The following MECOM variants were observed in gnomAD, a reference collection of about 807,000 sequenced individuals.
The protein encoded by MECOM is MDS1 and EVI1 complex locus, also known as histone-lysine N-methyltransferase MECOM.
Under a neutral mutation model 116.3 loss-of-function variants are expected in MECOM, and 13 were observed. The ratio of observed to expected loss-of-function variants is 0.11; its 90% CI spans 0.07 to 0.18. The LOEUF is 0.18. MECOM is among the 10% of genes least tolerant of loss of function. The pLI, the probability that MECOM is intolerant of heterozygous loss-of-function variation, is 1.00. For synonymous variants in MECOM, 528 were observed against 535.2 expected (o/e 0.99, Z 0.19); for missense variants, 1,299 against 1,509.0 (o/e 0.86, Z 2.31).
At chr3:169,322,426 G>T (rs1721017357) in intron 2 of MECOM, among the ~76,000 whole-genome samples, 1 of 152,132 alleles carries the variant, frequency 6.6e-6, no homozygotes, top group East Asian at 1.9e-4. Context: ...CATACTCATT[G>T]ACCTCCTTGG....
intron 1 of MECOM, among the ~76,000 whole-genome samples, chr3:169,461,295 G>A (rs1003121775): frequency 2.6e-5 from 4 of 152,134 alleles, no homozygotes; most frequent in African/African-American, 9.6e-5. Flanking sequence ...CTCATCATCT[G>A]GGACAGAAAC....
intron 12 of MECOM, among the ~76,000 whole-genome samples, chr3:169,098,571 G>T (rs1307792327): frequency 1.3e-5 from 2 of 152,102 alleles, no homozygotes; most frequent in Non-Finnish European, 2.9e-5. Context: ...TATCTGCCAG[G>T]TTTGTCCATT....
At chr3:169,596,084 A>G (rs1441267991) in intron 1 of MECOM, among the ~76,000 whole-genome samples, 1 of 152,220 alleles carries the variant, frequency 6.6e-6, no homozygotes, top group East Asian at 1.9e-4. Flanking sequence ...ATCCTAACTG[A>G]ATAATTGGAT....
chr3:169,215,319 A>G (rs1751287514), intron 2 of MECOM, among the ~76,000 whole-genome samples: 1 of 151,724 alleles, frequency 6.6e-6, no homozygotes, highest in South Asian at 2.1e-4. Flanking sequence ...GACCTTGGAC[A>G]AGAAATGGAA....
intron 1 of MECOM, among the ~76,000 whole-genome samples, chr3:169,394,699 G>T (rs1734754191): frequency 6.6e-6 from 1 of 152,146 alleles, no homozygotes; most frequent in African/African-American, 2.4e-5. Flanking sequence ...AGCCATAGGA[G>T]ATGCTTAACA....
chr3:169,135,531 T>A (rs142792995), intron 3 of MECOM, among the ~76,000 whole-genome samples: 178 of 152,052 alleles, frequency 1.2e-3, no homozygotes, highest in African/African-American at 4.1e-3. Flanking sequence ...TCCATTTTTT[T>A]AAAAAGTCAT....
intron 2 of MECOM, among the ~76,000 whole-genome samples, chr3:169,370,445 A>C (rs542606324): frequency 6.6e-6 from 1 of 152,040 alleles, no homozygotes; most frequent in East Asian, 1.9e-4. Flanking sequence ...TAGGAGAAAG[A>C]CTCCATGACA....
intron 2 of MECOM, among the ~76,000 whole-genome samples, chr3:169,271,626 G>A (rs1375940368): frequency 6.6e-6 from 1 of 152,128 alleles, no homozygotes; most frequent in Non-Finnish European, 1.5e-5. Context: ...GGGGCTGGGG[G>A]ATGGATAGCA....
intron 1 of MECOM, among the ~76,000 whole-genome samples, chr3:169,566,760 A>T (rs1385561570): frequency 2.6e-5 from 4 of 152,178 alleles, no homozygotes; most frequent in Middle Eastern, 3.2e-3. Context: ...AAGTTACTTG[A>T]ACTTCTACTT....
At chr3:169,140,769 C>G (rs772003994) in intron 3 of MECOM, among the ~76,000 whole-genome samples, 5 of 151,256 alleles carry the variant, frequency 3.3e-5, no homozygotes, top group Non-Finnish European at 5.9e-5. Context: ...AAATAAAATG[C>G]TGGTAGAAAG....
intron 2 of MECOM, among the ~76,000 whole-genome samples, chr3:169,252,155 CTCTG>C (rs777979167): frequency 6.6e-6 from 1 of 152,086 alleles, no homozygotes; most frequent in Admixed American, 6.6e-5. Flanking sequence ...CATTTTAAAA[CTCTG>C]TCTATTAAAA....
intron 2 of MECOM, among the ~76,000 whole-genome samples, chr3:169,258,174 C>T (rs1314254617): frequency 2.6e-5 from 4 of 151,910 alleles, no homozygotes; most frequent in African/African-American, 9.7e-5. Context: ...GAGCCAAGAT[C>T]GCGCCACTGC....
At chr3:169,472,527 GAAAAGAAAAGGAAAGGAAAGGAAAAGAAA>G in intron 1 of MECOM, among the ~76,000 whole-genome samples, 1 of 88,396 alleles carries the variant, frequency 1.1e-5, no homozygotes, top group Non-Finnish European at 2.1e-5. Flanking sequence ...GGAAAGAAAA[GAAAAGAAAAGGAAAGGAAAGGAAAAGAAA>G]AGAGAGGAGA....
intron 1 of MECOM, among the ~76,000 whole-genome samples, chr3:169,435,804 A>G (rs1742534298): frequency 6.6e-6 from 1 of 152,222 alleles, no homozygotes; most frequent in Admixed American, 6.5e-5. Context: ...CATTCAGTCT[A>G]ATAACCACAT....
chr3:169,255,101 A>T (rs1297165609), intron 2 of MECOM, among the ~76,000 whole-genome samples: 1 of 152,186 alleles, frequency 6.6e-6, no homozygotes, highest in Non-Finnish European at 1.5e-5. Flanking sequence ...AATTTGCCCA[A>T]AGTTACTCAG....
chr3:169,579,336 C>G (rs768111508), intron 1 of MECOM, among the ~76,000 whole-genome samples: 1 of 152,086 alleles, frequency 6.6e-6, no homozygotes, highest in East Asian at 1.9e-4. Flanking sequence ...GAAGATTTAT[C>G]CATTCAACAG....
intron 2 of MECOM, among the ~76,000 whole-genome samples, chr3:169,372,239 G>T (rs1730261790): frequency 6.6e-6 from 1 of 152,064 alleles, no homozygotes; most frequent in African/African-American, 2.4e-5. Flanking sequence ...GAGCAATTCT[G>T]GCTGAGATGA....
intron 1 of MECOM, among the ~76,000 whole-genome samples, chr3:169,420,432 C>T (rs1446827033): frequency 6.6e-6 from 1 of 152,048 alleles, no homozygotes; most frequent in Non-Finnish European, 1.5e-5. Context: ...CCTTTCAATA[C>T]CAAGAACCCA....
At chr3:169,559,778 T>C (rs1762444982) in intron 1 of MECOM, among the ~76,000 whole-genome samples, 1 of 152,186 alleles carries the variant, frequency 6.6e-6, no homozygotes, top group South Asian at 2.1e-4. Flanking sequence ...ACTACAGATA[T>C]ACGACAGATT....
Sources: gnomAD v4.1 joint callset for allele counts (sites outside exome capture counted in the v4.1 genomes callset) on GRCh38, gnomAD v4.1.1 for gene constraint, MANE v1.5 for transcripts, NCBI Gene and HGNC (gene_info 2026-07-23, HGNC 2026-07-21) for gene names.